The following PPP1R42 variants were observed in gnomAD, a reference collection of about 807,000 sequenced individuals.
PPP1R42 encodes the protein protein phosphatase 1 regulatory subunit 42.
A neutral mutation model predicts 31.0 loss-of-function variants in PPP1R42; 34 were observed. The observed-to-expected ratio is 1.10, with a 90% CI of 0.83 to 1.46. The LOEUF is 1.46. Among genes scored for constraint, PPP1R42 ranks in the 40% most tolerant of loss-of-function variants. The pLI is 0.00. For missense variants in PPP1R42, 268 were observed against 303.0 expected (o/e 0.88, Z 0.86); for synonymous variants, 103 against 109.8 (o/e 0.94, Z 0.39).
intron 5 of PPP1R42, among the ~76,000 whole-genome samples, chr8:67,007,594 G>A (rs1318792175): frequency 2.6e-5 from 4 of 152,166 alleles, no homozygotes; most frequent in Non-Finnish European, 4.4e-5. Context: ...TGATCGGCCT[G>A]CCTCGGCCTT....
chr8:66,971,000 T>C (rs1454078559), intron 7 of PPP1R42: 16 of 1,523,618 alleles, frequency 1.1e-5, no homozygotes, highest in East Asian at 2.5e-5. Flanking sequence ...TAAATAATTT[T>C]AGTGTAATCT....
At chr8:66,982,736 G>A (rs1814880620) in intron 6 of PPP1R42, among the ~76,000 whole-genome samples, 1 of 151,846 alleles carries the variant, frequency 6.6e-6, no homozygotes, top group Non-Finnish European at 1.5e-5. Flanking sequence ...GGGATTACAG[G>A]CATGAGCCAC....
chr8:66,985,885 G>A, intron 6 of PPP1R42: 3 of 1,038,490 alleles, frequency 2.9e-6, no homozygotes, highest in Admixed American at 2.0e-5. Context: ...TCTCAAAATG[G>A]GGTATTTGCT....
chr8:66,993,022 G>C (rs564910410), intron 5 of PPP1R42, among the ~76,000 whole-genome samples: 4 of 152,106 alleles, frequency 2.6e-5, no homozygotes, highest in African/African-American at 9.7e-5. Context: ...TTTCAAAGGC[G>C]CTTCAAACCC....
chr8:67,018,830 T>A, intron 1 of PPP1R42, among the ~76,000 whole-genome samples: 1 of 27,392 alleles, frequency 3.7e-5, no homozygotes, highest in Non-Finnish European at 7.3e-5. Context: ...CCCCCCTTTT[T>A]TTTTTTTTTT....
intron 6 of PPP1R42, chr8:66,984,938 T>C: frequency 6.5e-7 from 1 of 1,531,328 alleles, no homozygotes; most frequent in Admixed American, 1.7e-5. Flanking sequence ...GGTGTGTCAT[T>C]GTCAACTGGA....
chr8:66,978,946 A>G (rs1585638484), intron 7 of PPP1R42, among the ~76,000 whole-genome samples: 1 of 152,152 alleles, frequency 6.6e-6, no homozygotes, highest in East Asian at 1.9e-4. Flanking sequence ...TTTCTTGTAT[A>G]TTCTGAATAA....
In PPP1R42 at chr8:66,987,528, G is replaced by A. The variant is rs1020503208; in HGVS notation, c.670+872C>T. On this transcript the variant is annotated intron_variant, in intron 6 of 7. Transcript: ENST00000685739. Reference sequence around the variant, plus strand: ...ACTGGTCTCAAACTCCTGATCTCAGGCAATCCACCTACCGCGGCCTCCCAA... The same window carrying A: ...ACTGGTCTCAAACTCCTGATCTCAGACAATCCACCTACCGCGGCCTCCCAA... Among the ~76,000 whole-genome samples, 3 of 152,128 alleles carry A rather than the reference G, an allele frequency of 2.0e-5. No homozygotes were observed. The South Asian group carries it at 6.2e-4, about 32-fold the overall frequency.
intron 5 of PPP1R42, among the ~76,000 whole-genome samples, chr8:67,003,215 T>C (rs1815560558): frequency 6.6e-6 from 1 of 150,472 alleles, no homozygotes; most frequent in Non-Finnish European, 1.5e-5. Flanking sequence ...CTAGAAGTTA[T>C]GTTTTCCCCA....
intron 5 of PPP1R42, among the ~76,000 whole-genome samples, chr8:66,995,292 G>A (rs1384470950): frequency 6.6e-6 from 1 of 152,142 alleles, no homozygotes; most frequent in South Asian, 2.1e-4. Context: ...ACCACAAAAA[G>A]CACATTTCAA....
At chr8:66,964,649 T>G (rs1473351761) in intron 7 of PPP1R42, among the ~76,000 whole-genome samples, 1 of 152,200 alleles carries the variant, frequency 6.6e-6, no homozygotes. Context: ...CAGATTGTCC[T>G]TATAATGCAA....
intron 6 of PPP1R42, chr8:66,986,044 G>A (rs1346505904): frequency 2.3e-5 from 17 of 746,346 alleles, no homozygotes; most frequent in Admixed American, 3.5e-5. Context: ...TCCACAAATC[G>A]GGGAGTAGAA....
intron 7 of PPP1R42, chr8:66,968,448 G>A (rs1301980478): frequency 6.4e-5 from 63 of 984,260 alleles, no homozygotes; most frequent in Non-Finnish European, 7.5e-5. Flanking sequence ...TTCTACCTCT[G>A]AGCAGGCTCC....
intron 6 of PPP1R42, chr8:66,986,229 C>G (rs189988384): frequency 3.7e-6 from 2 of 535,980 alleles, no homozygotes; most frequent in Non-Finnish European, 7.1e-6. Flanking sequence ...CGTGAGCCAC[C>G]GCGCCCTGCC....
intron 6 of PPP1R42, chr8:66,984,480 G>C (rs2130926929): frequency 7.8e-7 from 1 of 1,276,412 alleles, no homozygotes. Context: ...CTCCTATCAG[G>C]TACAGTTGCC....
intron 7 of PPP1R42, 87 bp downstream of exon 7, chr8:66,981,962 A>T (rs1022490528): frequency 5.5e-5 from 67 of 1,228,066 alleles, no homozygotes; most frequent in Non-Finnish European, 6.5e-5. Context: ...CTAAACAAAA[A>T]CTATTTTATT....
chr8:66,984,617 G>T, intron 6 of PPP1R42: 2 of 1,254,382 alleles, frequency 1.6e-6, no homozygotes, highest in Non-Finnish European at 2.3e-6. Flanking sequence ...TACCCCCTGT[G>T]AAATGTCTTA....
At chr8:67,006,574 C>T (rs1247577498) in intron 5 of PPP1R42, among the ~76,000 whole-genome samples, 1 of 152,006 alleles carries the variant, frequency 6.6e-6, no homozygotes, top group Non-Finnish European at 1.5e-5. Flanking sequence ...CTTGTGTTGT[C>T]CAGGCTGGTT....
In PPP1R42 at chr8:67,013,061, C is replaced by T. The variant is rs779892085; in HGVS notation, c.332G>A (p.Gly111Asp). 2 of 1,605,974 alleles carry T rather than the reference C, an allele frequency of 1.2e-6. No homozygotes were observed. The highest frequency in any genetic ancestry group is 1.1e-5 in the South Asian group (1 of 88,660). The change falls in exon 4 of 8, where the codon GGT becomes GAT. Residue 111 changes from glycine (G) to aspartate (D), a missense_variant. Transcript: ENST00000685739. ...TCTTAGTTCTCCTAATCCTTCTAAACCTTCTATGACAGCAATGTAATTGCC... is the reference window on the plus strand; with the variant it reads ...TCTTAGTTCTCCTAATCCTTCTAAATCTTCTATGACAGCAATGTAATTGCC... ...LGGNYIAVIE[G>D]LEGLGELREL...
Sources: gnomAD v4.1 joint callset for allele counts (sites outside exome capture counted in the v4.1 genomes callset) on GRCh38, gnomAD v4.1.1 for gene constraint, MANE v1.5 for transcripts, NCBI Gene and HGNC (gene_info 2026-07-23, HGNC 2026-07-21) for gene names.